The following ARHGAP28 variants were observed in gnomAD, a reference collection of about 807,000 sequenced individuals.
ARHGAP28 encodes Rho GTPase activating protein 28, also known as rho GTPase-activating protein 28.
In ARHGAP28, 56 loss-of-function variants were observed where a neutral mutation model predicts 90.7. The ratio of observed to expected loss-of-function variants is 0.62; its 90% CI spans 0.50 to 0.77. ARHGAP28 has a LOEUF of 0.77. Among genes scored for constraint, ARHGAP28 ranks in the 30% least tolerant of loss-of-function variants. ARHGAP28 has a pLI of 0.00. For synonymous variants in ARHGAP28, 308 were observed against 323.3 expected, an observed-to-expected ratio of 0.95 and a Z score of 0.51; for missense variants, 869 against 900.9, an observed-to-expected ratio of 0.96 and a Z score of 0.45.
At chr18:6,763,746 G>C (rs1435165741) in intron 1 of ARHGAP28, among the ~76,000 whole-genome samples, 1 of 152,214 alleles carries the variant, frequency 6.6e-6, no homozygotes, top group Non-Finnish European at 1.5e-5. Flanking sequence ...TGAGCTGCCA[G>C]TAGTCTCGCC....
chr18:6,912,373 G>A lies in ARHGAP28; in HGVS notation c.*219G>A. 3.1e-6 allele frequency: 1 copy of A among 327,242 alleles called. No individual in the cohort carries two copies. The highest frequency in any genetic ancestry group is 5.6e-6 in the Non-Finnish European group (1 of 177,668). The allele number at this position is 327,242 out of a possible 1,614,324, so 20.3% of individuals were successfully genotyped here. On this transcript the variant is annotated 3_prime_UTR_variant, in exon 18 of 18. Coordinates refer to ENST00000383472, the MANE Select transcript of ARHGAP28 (RefSeq NM_001366230.1). ...TGACTTTTTTTTTTATAAAAGTAAA[G>A]GAAAGATGATGTGGTCCTTCCAGAA...
At chr18:6,852,710 A>G (rs2056920170) in intron 4 of ARHGAP28, among the ~76,000 whole-genome samples, 1 of 152,200 alleles carries the variant, frequency 6.6e-6, no homozygotes, top group African/African-American at 2.4e-5. Flanking sequence ...TTCTTACAGG[A>G]TGGCTAGGAG....
chr18:6,876,282 C>A lies in ARHGAP28; in HGVS notation c.1290+74C>A, dbSNP rs1449927636. 711 of 1,120,350 alleles carry A rather than the reference C, an allele frequency of 6.3e-4. 4 individuals carry two copies. Among genetic ancestry groups the A allele is most frequent in the Non-Finnish European group, 4.0e-5 (29 of 734,176 alleles). The allele number at this position is 1,120,350 out of a possible 1,614,324, so 69.4% of individuals were successfully genotyped here. On this transcript the variant is annotated intron_variant, in intron 10 of 17. Coordinates refer to ENST00000383472, the MANE Select transcript of ARHGAP28 (RefSeq NM_001366230.1). ...CCCAGTTCACACAAGCATCGGGGAT[C>A]CAGATATTTGTTGTTGTTTATTAGA...
At chr18:6,763,393 AT>A (rs988135977) in intron 1 of ARHGAP28, among the ~76,000 whole-genome samples, 2 of 152,038 alleles carry the variant, frequency 1.3e-5, no homozygotes, top group African/African-American at 2.4e-5. Flanking sequence ...ACAAGAGATG[AT>A]TTTATCATCC....
intron 1 of ARHGAP28, among the ~76,000 whole-genome samples, chr18:6,777,182 A>G (rs16950597): frequency 0.053 from 8,049 of 152,262 alleles, 700 homozygotes; most frequent in African/African-American, 0.18. Flanking sequence ...CTGGGTGTAC[A>G]GCAAAATAGA....
Position 6,887,204 on chromosome 18 carries a change from A to T in ARHGAP28, c.1501A>T (p.Met501Leu). 6.2e-7 allele frequency: 1 copy of T among 1,614,168 alleles called. No individual in the cohort carries two copies. The highest frequency in any genetic ancestry group is 8.5e-7 in the Non-Finnish European group (1 of 1,180,034). ...VQFQALHLMV[M>L]ALPDANRDAA... ...GTTTCAAGCCTTACACCTCATGGTC[A>T]TGGCGCTGCCTGATGCCAACAGAGA... The change falls in exon 12 of 18, where the codon ATG becomes TTG. Residue 501 changes from methionine (M) to leucine (L), a missense_variant. Transcript: ENST00000383472.
intron 3 of ARHGAP28, among the ~76,000 whole-genome samples, chr18:6,848,203 C>A (rs762593635): frequency 6.6e-6 from 1 of 152,102 alleles, no homozygotes; most frequent in African/African-American, 2.4e-5. Flanking sequence ...AGTTGCCAGC[C>A]CAGGGGCCTG....
intron 1 of ARHGAP28, among the ~76,000 whole-genome samples, chr18:6,823,082 A>G (rs1261946519): frequency 6.6e-6 from 1 of 152,172 alleles, no homozygotes; most frequent in African/African-American, 2.4e-5. Context: ...AGCTCAGACC[A>G]TATATTGCTT....
intron 3 of ARHGAP28, among the ~76,000 whole-genome samples, chr18:6,839,286 A>C (rs2056778860): frequency 6.8e-6 from 1 of 147,102 alleles, no homozygotes; most frequent in African/African-American, 2.5e-5. Context: ...CACATTAACC[A>C]GCATAATTTT....
At chr18:6,853,753 G>T (rs1035564659) in intron 4 of ARHGAP28, among the ~76,000 whole-genome samples, 6 of 152,128 alleles carry the variant, frequency 3.9e-5, no homozygotes, top group African/African-American at 1.2e-4. Context: ...GGGATTACAG[G>T]CATAAGCCAC....
intron 16 of ARHGAP28, among the ~76,000 whole-genome samples, chr18:6,906,722 A>G (rs1352525679): frequency 3.3e-5 from 5 of 152,202 alleles, no homozygotes; most frequent in African/African-American, 9.6e-5. Context: ...CTAAAACTAA[A>G]GAGTTCTTAG....
intron 1 of ARHGAP28, chr18:6,774,179 G>A (rs565139370): frequency 6.6e-6 from 1 of 152,226 alleles, no homozygotes; most frequent in East Asian, 1.9e-4. Context: ...CTTGCAGAGG[G>A]GTTTTGTGGG....
intron 3 of ARHGAP28, among the ~76,000 whole-genome samples, chr18:6,839,313 A>AGGTG (rs2056779982): frequency 2.0e-5 from 1 of 49,742 alleles, no homozygotes; most frequent in South Asian, 4.0e-4. Flanking sequence ...TTTTTTTTTG[A>AGGTG]GACAGCGTCT....
At chr18:6,844,317 GTTTCTTTTTGTC>G (rs936988939) in intron 3 of ARHGAP28, among the ~76,000 whole-genome samples, 2 of 152,288 alleles carry the variant, frequency 1.3e-5, no homozygotes, top group African/African-American at 4.8e-5. Flanking sequence ...CATGAATCCA[GTTTCTTTTTGTC>G]TTTCTTTTTG....
At chr18:6,867,119 T>C (rs2057043630) in intron 5 of ARHGAP28, among the ~76,000 whole-genome samples, 1 of 152,180 alleles carries the variant, frequency 6.6e-6, no homozygotes, top group Non-Finnish European at 1.5e-5. Flanking sequence ...GCATCTATGT[T>C]TTAATAATTG....
rs533923011 is a variant in ARHGAP28 at position 6,809,897 on chromosome 18, G to C, written c.123-14865G>C. Among the ~76,000 whole-genome samples the C allele has an allele frequency of 3.9e-5, 6 of 152,220 alleles. No homozygotes were observed. The East Asian group carries it at 1.2e-3, about 29-fold the overall frequency. ...TCTGGCATCTTGAATCTTGTACCTA[G>C]TATTTTTAGGTACTCAATAAACAGT... On this transcript the variant is annotated intron_variant, in intron 1 of 17. Transcript: ENST00000383472.
chr18:6,852,673 C>T lies in ARHGAP28; in HGVS notation c.636+1547C>T, dbSNP rs538828144. 9.2e-5 allele frequency among the ~76,000 whole-genome samples: 14 copies of T among 152,190 alleles called. No individual in the cohort carries two copies. In the East Asian group the frequency reaches 1.2e-3, roughly 13 times the overall value. ...TAACAACTTTTTCCTTTCGTGTTGC[C>T]GCCTTAGCACGTGGACCTAATCCTT... On this transcript the variant is annotated intron_variant, in intron 4 of 17. Transcript: ENST00000383472.
At chr18:6,735,200 C>T (rs1383395858) in intron 1 of ARHGAP28, among the ~76,000 whole-genome samples, 6 of 152,168 alleles carry the variant, frequency 3.9e-5, no homozygotes, top group African/African-American at 1.4e-4. Flanking sequence ...CAAAAGTAGT[C>T]CAGAAAGTTT....
At chr18:6,744,087 C>A (rs998500005) in intron 1 of ARHGAP28, among the ~76,000 whole-genome samples, 1 of 151,894 alleles carries the variant, frequency 6.6e-6, no homozygotes, top group African/African-American at 2.4e-5. Context: ...ATGTAACTAA[C>A]GTTTAGGGCT....
Sources: gnomAD v4.1 joint callset for allele counts (sites outside exome capture counted in the v4.1 genomes callset) on GRCh38, gnomAD v4.1.1 for gene constraint, MANE v1.5 for transcripts, NCBI Gene and HGNC (gene_info 2026-07-23, HGNC 2026-07-21) for gene names.